Variants in ING3 observed in about 807,000 individuals in gnomAD.
ING3 encodes inhibitor of growth family member 3, also known as inhibitor of growth protein 3.
Under a neutral mutation model 64.8 loss-of-function variants are expected in ING3, and 6 were observed. The observed-to-expected ratio is 0.09, with a 90% confidence interval of 0.05 to 0.18. The LOEUF (loss-of-function observed/expected upper bound fraction) is 0.18, where lower values mean the gene tolerates loss of function less well. Ranked by LOEUF, ING3 falls within the 10% of genes least tolerant of loss-of-function variation. ING3 has a pLI of 1.00. For synonymous variants in ING3, 170 were observed against 173.7 expected (o/e 0.98, Z 0.17); for missense variants, 310 against 489.7 (o/e 0.63, Z 3.46).
In ING3 at chr7:120,958,871, T is replaced by C. The variant is rs936311605; in HGVS notation, c.267+3247T>C. On this transcript the variant is annotated intron_variant, in intron 4 of 11. Transcript: ENST00000315870. ...TTCCTTAATTTCTCATTCAGACTCT[T>C]TGACACTCCCTTACCTTCAATTTAT... Among the ~76,000 whole-genome samples, 9 of 152,236 alleles carry C rather than the reference T, an allele frequency of 5.9e-5. 1 individual carries two copies. Among genetic ancestry groups the C allele is most frequent in the Non-Finnish European group, 4.4e-5 (3 of 68,044 alleles).
rs1796036513 is a variant in ING3, at chr7:120,969,199, G to A, written c.903G>A (p.Lys301=). Residue 301 remains lysine (K), a synonymous_variant, in exon 9 of 12, where the codon AAG becomes AAA. Coordinates refer to ENST00000315870, the MANE Select transcript of ING3 (RefSeq NM_019071.3). ...SSAADSRSGR[K]SKNNNKSSSQ... ...CAGCCGACTCACGGAGTGGTCGAAA[G>A]AGCAAGTAAGTTTTATTGTTACAGT... 1 of 1,612,178 alleles carries A rather than the reference G, an allele frequency of 6.2e-7. No homozygotes were observed. Among genetic ancestry groups the A allele is most frequent in the South Asian group, 1.1e-5 (1 of 90,878 alleles).
At chr7:120,969,319 GC>G in intron 9 of ING3, 115 bp downstream of exon 9, 1 of 659,144 alleles carries the variant, frequency 1.5e-6, no homozygotes. Flanking sequence ...AATTAACCTT[GC>G]AGAGGTAGGG....
chr7:120,966,582 G>T, intron 5 of ING3, 44 bp from the exon 6 acceptor site: 2 of 1,434,774 alleles, frequency 1.4e-6, no homozygotes, highest in Middle Eastern at 1.7e-4. Flanking sequence ...AAGTTCTGCG[G>T]TGACATTTAA....
At chr7:120,956,025 A>T (rs950870299) in intron 4 of ING3, 2 of 677,494 alleles carry the variant, frequency 3.0e-6, no homozygotes, top group African/African-American at 3.6e-5. Context: ...AGTTCTTGGT[A>T]GTCTGATTAA....
At position 120,956,625 on chromosome 7, in the gene ING3, A is replaced by G. The variant is rs1260585781; in HGVS notation, c.267+1001A>G. 5 of 988,236 alleles carry G rather than the reference A, an allele frequency of 5.1e-6. No homozygotes were observed. In the Admixed American group the frequency reaches 2.4e-4, roughly 48 times the overall value. 61.2% of individuals were successfully genotyped at this position (988,236 alleles called of 1,614,324 possible). On this transcript the variant is annotated intron_variant, in intron 4 of 11. Transcript: ENST00000315870. ...ATAGAGTTATTCTGAAAAAAATTTC[A>G]TAAAAGACACTGCCTAAAGATAGGT...
Position 120,974,866 on chromosome 7 carries a change from A to G in ING3, c.*22A>G, listed in dbSNP as rs771523510. The G allele has an allele frequency of 6.6e-7, 1 of 1,525,160 alleles. No homozygotes were observed. The highest frequency in any genetic ancestry group is 1.2e-5 in the South Asian group (1 of 86,050). The allele number at this position is 1,525,160 out of a possible 1,614,324, so 94.5% of individuals were successfully genotyped here. On this transcript the variant is annotated 3_prime_UTR_variant, in exon 12 of 12. Coordinates refer to ENST00000315870, the MANE Select transcript of ING3 (RefSeq NM_019071.3). ...ATAAAGGTGGTCCTTTTGTTTGATG[A>G]AGAAATAAACTTCAGCTGAAGATTT...
intron 4 of ING3, among the ~76,000 whole-genome samples, chr7:120,962,068 G>A (rs1334618996): frequency 1.3e-5 from 2 of 152,186 alleles, no homozygotes; most frequent in African/African-American, 4.8e-5. Flanking sequence ...TCAGAATCAT[G>A]TAGGTTGAGG....
chr7:120,971,123 T>C (rs1796065187), intron 10 of ING3, among the ~76,000 whole-genome samples: 1 of 152,200 alleles, frequency 6.6e-6, no homozygotes, highest in African/African-American at 2.4e-5. Context: ...CACTACCATA[T>C]ACCTCATGTG....
At chr7:120,955,128 G>A (rs1562972283) in intron 3 of ING3, among the ~76,000 whole-genome samples, 1 of 151,698 alleles carries the variant, frequency 6.6e-6, no homozygotes, top group Non-Finnish European at 1.5e-5. Context: ...TTTTTGTTTT[G>A]TTTTGTTTTT....
chr7:120,974,478 G>A (rs928752276), intron 11 of ING3, among the ~76,000 whole-genome samples: 1 of 152,112 alleles, frequency 6.6e-6, no homozygotes, highest in African/African-American at 2.4e-5. Context: ...TCATTAGGAT[G>A]AGGGGACTAG....
intron 11 of ING3, among the ~76,000 whole-genome samples, chr7:120,974,480 G>A (rs1217583480): frequency 6.6e-6 from 1 of 152,066 alleles, no homozygotes; most frequent in Admixed American, 6.6e-5. Context: ...ATTAGGATGA[G>A]GGGACTAGAT....
intron 1 of ING3, 77 bp from the exon 2 acceptor site, chr7:120,951,087 C>T (rs1704790787): frequency 1.4e-5 from 22 of 1,562,538 alleles, no homozygotes; most frequent in Middle Eastern, 1.7e-4. Flanking sequence ...CTCGACCCCC[C>T]TGACGCACGC....
chr7:120,953,688 A>G (rs1263313864), intron 3 of ING3, among the ~76,000 whole-genome samples: 1 of 152,154 alleles, frequency 6.6e-6, no homozygotes, highest in Non-Finnish European at 1.5e-5. Context: ...TCTAGTTGAG[A>G]TAGAGTACTG....
At chr7:120,958,204 T>C (rs1214247788) in intron 4 of ING3, among the ~76,000 whole-genome samples, 6 of 151,934 alleles carry the variant, frequency 3.9e-5, no homozygotes, top group Non-Finnish European at 8.8e-5. Context: ...TTCCTTTTTA[T>C]TATTTTTTTT....
intron 4 of ING3, chr7:120,956,416 G>C (rs1036243884): frequency 2.2e-5 from 27 of 1,253,018 alleles, no homozygotes; most frequent in Admixed American, 3.9e-5. Flanking sequence ...GAACAAGTAC[G>C]TGTAAGTAAA....
intron 4 of ING3, among the ~76,000 whole-genome samples, chr7:120,961,403 A>C (rs564923348): frequency 6.6e-6 from 1 of 152,316 alleles, no homozygotes; most frequent in South Asian, 2.1e-4. Flanking sequence ...AGAATGTAAC[A>C]GACTTGATTG....
intron 4 of ING3, chr7:120,955,836 T>C (rs978446109): frequency 1.7e-6 from 1 of 584,128 alleles, no homozygotes; most frequent in Admixed American, 3.3e-5. Flanking sequence ...CTGTACATTT[T>C]AGCAAGTCTA....
intron 9 of ING3, among the ~76,000 whole-genome samples, chr7:120,969,706 G>A (rs1796042393): frequency 1.3e-5 from 2 of 152,118 alleles, no homozygotes; most frequent in African/African-American, 4.8e-5. Flanking sequence ...GACTGTATAA[G>A]CTTTAAATAT....
At chr7:120,968,401 TG>T in intron 8 of ING3, among the ~76,000 whole-genome samples, 1 of 152,330 alleles carries the variant, frequency 6.6e-6, no homozygotes, top group Middle Eastern at 3.4e-3. Context: ...TCGTTCTTTC[TG>T]CCAGTTCCAA....
Sources: allele counts gnomAD v4.1 joint callset (sites outside exome capture counted in the v4.1 genomes callset), GRCh38; gene constraint gnomAD v4.1.1; transcripts MANE v1.5; gene names NCBI Gene and HGNC (gene_info 2026-07-23, HGNC 2026-07-21).